The following TRAPPC9 variants were observed in gnomAD, a reference collection of about 807,000 sequenced individuals.
TRAPPC9 encodes the protein trafficking protein particle complex subunit 9.
Under a neutral mutation model 124.0 loss-of-function variants are expected in TRAPPC9, and 83 were observed. The observed-to-expected ratio is 0.67, with a 90% confidence interval of 0.56 to 0.80. The LOEUF (loss-of-function observed/expected upper bound fraction) is 0.80, where lower values mean the gene tolerates loss of function less well. TRAPPC9 is among the 30% of genes least tolerant of loss of function. TRAPPC9 has a pLI of 0.00. For synonymous variants in TRAPPC9, 638 were observed against 617.5 expected, an observed-to-expected ratio of 1.03 and a Z score of -0.49; for missense variants, 1,302 against 1,508.3, an observed-to-expected ratio of 0.86 and a Z score of 2.27.
At chr8:140,218,287 T>C (rs899240871) in intron 17 of TRAPPC9, among the ~76,000 whole-genome samples, 2 of 152,002 alleles carry the variant, frequency 1.3e-5, no homozygotes, top group African/African-American at 2.4e-5. Context: ...AGAAGGTAAA[T>C]AGGTCTGAGG....
chr8:140,127,094 AC>A (rs2061113091), intron 17 of TRAPPC9, among the ~76,000 whole-genome samples: 1 of 152,098 alleles, frequency 6.6e-6, no homozygotes, highest in Non-Finnish European at 1.5e-5. Flanking sequence ...AGAGACAGAA[AC>A]CCTCCTCTCA....
chr8:140,283,955 G>A lies in TRAPPC9; in HGVS notation c.2048C>T (p.Thr683Ile), dbSNP rs758562541. 10 of 1,614,176 alleles carry A rather than the reference G, an allele frequency of 6.2e-6. No individual in the cohort carries two copies. The highest frequency in any genetic ancestry group is 7.6e-6 in the Non-Finnish European group (9 of 1,180,042). The change falls in exon 14 of 23, where the codon ACC (threonine) becomes ATC (isoleucine). Residue 683 changes from threonine to isoleucine, a missense_variant. By Grantham distance (89) the Thr-to-Ile change is moderately conservative. Coordinates refer to ENST00000438773, the MANE Select transcript of TRAPPC9 (RefSeq NM_001160372.4). Reference sequence around the variant, plus strand: ...AATGACTTCCACTGTGGAGCCACTGGTTTTTATTCCCGGCAGGTTATCCAG... The same window carrying A: ...AATGACTTCCACTGTGGAGCCACTGATTTTTATTCCCGGCAGGTTATCCAG... ...CLLDNLPGIKTSGSTVEVIPA... is the reference protein window; with the variant it reads ...CLLDNLPGIKISGSTVEVIPA...
intron 19 of TRAPPC9, among the ~76,000 whole-genome samples, chr8:139,926,597 T>A: frequency 7.7e-6 from 1 of 129,762 alleles, no homozygotes; most frequent in Middle Eastern, 3.9e-3. Context: ...AAAAATACAA[T>A]GAATTAAAAT....
chr8:140,419,802 C>T (rs577213421), intron 5 of TRAPPC9, among the ~76,000 whole-genome samples: 2 of 152,078 alleles, frequency 1.3e-5, no homozygotes, highest in African/African-American at 4.8e-5. Context: ...AAGAGAATGG[C>T]GTGAACCCGG....
chr8:140,006,748 T>C (rs763225058), intron 18 of TRAPPC9, among the ~76,000 whole-genome samples: 1 of 152,178 alleles, frequency 6.6e-6, no homozygotes, highest in Non-Finnish European at 1.5e-5. Flanking sequence ...TCCATTTATA[T>C]GAAATATCTA....
At chr8:140,149,831 G>A (rs921076757) in intron 17 of TRAPPC9, among the ~76,000 whole-genome samples, 5 of 7,778 alleles carry the variant, frequency 6.4e-4, no homozygotes, top group African/African-American at 1.7e-3. Context: ...CATGAAGTAC[G>A]AGTGCGAGCA....
chr8:140,387,469 T>C (rs2068784827), intron 7 of TRAPPC9, among the ~76,000 whole-genome samples: 1 of 152,194 alleles, frequency 6.6e-6, no homozygotes, highest in Admixed American at 6.5e-5. Flanking sequence ...TTTTGCAATC[T>C]ACTCATCTGA....
rs1407418956 is a variant in TRAPPC9 at position 139,776,169 on chromosome 8, A to C, written c.3056-43967T>G. On this transcript the variant is annotated intron_variant, in intron 21 of 22. Transcript: ENST00000438773. The surrounding 1 kb of genome is among the most constrained non-coding windows in gnomAD (Gnocchi z 4.1). ...TGCTAGTCATGGGGGCTTGGGACCC[A>C]GCCTCAGTCTCTGGGCTCCCCGACA... Among the ~76,000 whole-genome samples the C allele has an allele frequency of 5.3e-5, 8 of 152,210 alleles. No homozygotes were observed. The highest frequency in any genetic ancestry group is 5.2e-4 in the Admixed American group (8 of 15,270).
chr8:139,933,902 G>A (rs1833355738), intron 19 of TRAPPC9: 1 of 152,074 alleles, frequency 6.6e-6, no homozygotes, highest in African/African-American at 2.4e-5. Flanking sequence ...ATGTCACGAA[G>A]GATTAAGGTA....
intron 19 of TRAPPC9, among the ~76,000 whole-genome samples, chr8:139,971,239 C>T (rs934200549): frequency 1.3e-5 from 2 of 152,202 alleles, no homozygotes; most frequent in Non-Finnish European, 2.9e-5. Flanking sequence ...GACCTGACTT[C>T]GACCTTGGCT....
chr8:140,265,312 A>C (rs995951014), intron 15 of TRAPPC9, among the ~76,000 whole-genome samples: 3 of 152,226 alleles, frequency 2.0e-5, no homozygotes, highest in African/African-American at 7.2e-5. Flanking sequence ...TTTGTGTATT[A>C]AGTTCTGTAG....
chr8:139,894,326 C>A lies in TRAPPC9; in HGVS notation c.2965-8357G>T, dbSNP rs1460933930. Among the ~76,000 whole-genome samples, 4 of 152,192 alleles carry A rather than the reference C, an allele frequency of 2.6e-5. No homozygotes were observed. The East Asian group carries it at 7.7e-4, about 29-fold the overall frequency. ...GCCCAGGAGAGAGCCAATGCCAACCCCCAACGAGACCACTGGTCACCGCGC... is the reference window on the plus strand; with the variant it reads ...GCCCAGGAGAGAGCCAATGCCAACCACCAACGAGACCACTGGTCACCGCGC... On this transcript the variant is annotated intron_variant, in intron 20 of 22. Coordinates refer to ENST00000438773, the MANE Select transcript of TRAPPC9 (RefSeq NM_001160372.4).
intron 15 of TRAPPC9, among the ~76,000 whole-genome samples, chr8:140,255,193 A>G (rs2064222104): frequency 6.6e-6 from 1 of 152,238 alleles, no homozygotes; most frequent in Non-Finnish European, 1.5e-5. Flanking sequence ...GTCCTTGAAA[A>G]GTGTTTAGAA....
At chr8:140,322,376 C>G (rs1257751792) in intron 9 of TRAPPC9, among the ~76,000 whole-genome samples, 1 of 152,190 alleles carries the variant, frequency 6.6e-6, no homozygotes, top group African/African-American at 2.4e-5. Context: ...ATGCCCCACC[C>G]CCCTGGTGGC....
chr8:139,822,514 T>C (rs932935806), intron 21 of TRAPPC9, among the ~76,000 whole-genome samples: 1 of 152,142 alleles, frequency 6.6e-6, no homozygotes, highest in Non-Finnish European at 1.5e-5. Context: ...ATTGACACCC[T>C]ATTGTGCGGT....
chr8:140,422,223 T>A (rs1438970129), intron 5 of TRAPPC9, among the ~76,000 whole-genome samples: 1 of 150,482 alleles, frequency 6.6e-6, no homozygotes, highest in African/African-American at 2.5e-5. Flanking sequence ...AGTACCTGTC[T>A]CCTAGAATCG....
At chr8:140,204,661 G>C (rs1032818912) in intron 17 of TRAPPC9, among the ~76,000 whole-genome samples, 2 of 152,172 alleles carry the variant, frequency 1.3e-5, no homozygotes, top group African/African-American at 4.8e-5. Flanking sequence ...ACTTGCTCCT[G>C]CTCTTTCCCT....
intron 19 of TRAPPC9, chr8:139,932,905 T>TAAA: frequency 1.3e-5 from 2 of 152,800 alleles, no homozygotes; most frequent in Non-Finnish European, 2.8e-5. Flanking sequence ...CATAAGCTGG[T>TAAA]AAAAAAAAAA....
At chr8:140,363,555 C>T (rs1315487087) in intron 8 of TRAPPC9, among the ~76,000 whole-genome samples, 2 of 151,952 alleles carry the variant, frequency 1.3e-5, no homozygotes, top group Non-Finnish European at 1.5e-5. Context: ...CTTTCTCTAG[C>T]CTCTTTCACA....
Sources: allele counts gnomAD v4.1 joint callset (sites outside exome capture counted in the v4.1 genomes callset), GRCh38; gene constraint gnomAD v4.1.1; non-coding constraint Gnocchi (gnomAD v3.1); transcripts MANE v1.5; gene names NCBI Gene and HGNC (gene_info 2026-07-23, HGNC 2026-07-21).